ARIH2: variants seen among roughly 807,000 people sequenced by gnomAD.
ARIH2 encodes the protein E3 ubiquitin-protein ligase ARIH2.
In ARIH2, 12 loss-of-function variants were observed where a neutral mutation model predicts 79.8. The ratio of observed to expected loss-of-function variants is 0.15; its 90% CI spans 0.10 to 0.24. The LOEUF is 0.24. Among genes scored for constraint, ARIH2 ranks in the 10% least tolerant of loss-of-function variants. The pLI, the probability that ARIH2 is intolerant of heterozygous loss-of-function variation, is 1.00. For synonymous variants in ARIH2, 224 were observed against 213.9 expected, an observed-to-expected ratio of 1.05 and a Z score of -0.41; for missense variants, 301 against 618.3, an observed-to-expected ratio of 0.49 and a Z score of 5.44.
intron 11 of ARIH2, chr3:48,975,183 G>A (rs920017343): frequency 1.2e-5 from 9 of 743,052 alleles, no homozygotes; most frequent in Non-Finnish European, 1.7e-5. Flanking sequence ...CTGCTATCTT[G>A]CTAACACATA....
At chr3:48,946,867 C>A (rs1157315847) in intron 3 of ARIH2, among the ~76,000 whole-genome samples, 1 of 152,080 alleles carries the variant, frequency 6.6e-6, no homozygotes. Flanking sequence ...TTGAGGGTAC[C>A]CTTCACTCTT....
intron 3 of ARIH2, among the ~76,000 whole-genome samples, chr3:48,937,406 A>G (rs951756410): frequency 1.3e-5 from 2 of 152,148 alleles, no homozygotes; most frequent in Non-Finnish European, 2.9e-5. Context: ...CCTTGTTTAC[A>G]TGAATCCCTC....
At chr3:48,944,337 C>T (rs2088804219) in intron 3 of ARIH2, among the ~76,000 whole-genome samples, 1 of 152,068 alleles carries the variant, frequency 6.6e-6, no homozygotes, top group South Asian at 2.1e-4. Context: ...AGTATTTTTA[C>T]ATTATTATAT....
In ARIH2 at chr3:48,965,001, A is replaced by G; in HGVS notation, c.387+19A>G. 6.2e-7 allele frequency: 1 copy of G among 1,608,492 alleles called. No individual in the cohort carries two copies. Among genetic ancestry groups the G allele is most frequent in the South Asian group, 1.1e-5 (1 of 90,852 alleles). On this transcript the variant is annotated intron_variant, in intron 5 of 15. Transcript: ENST00000356401. ...AAAACATGTGAGTGTCTATTACTTG[A>G]ATGAGGCTTCTCCTAATTGCATGTG...
At chr3:48,962,872 T>A (rs551194675) in intron 4 of ARIH2, among the ~76,000 whole-genome samples, 5 of 152,120 alleles carry the variant, frequency 3.3e-5, no homozygotes, top group Non-Finnish European at 7.3e-5. Flanking sequence ...TGTTTTTTTT[T>A]ATTTTTATTT....
At position 48,920,951 on chromosome 3, in the gene ARIH2, T is replaced by C. The variant is rs1245395620; in HGVS notation, c.-161-1797T>C. On this transcript the variant is annotated intron_variant, in intron 1 of 15. Coordinates refer to ENST00000356401, the MANE Select transcript of ARIH2 (RefSeq NM_006321.4). ...CCCTTGGAACAAGATCAGCACTTTT[T>C]CTTTCTTTCATTTATTTATTTTTAT... 4.2e-5 allele frequency among the ~76,000 whole-genome samples: 3 copies of C among 72,162 alleles called. 1 individual carries two copies. Among genetic ancestry groups the C allele is most frequent in the African/African-American group, 1.3e-4 (3 of 23,138 alleles). 47.3% of individuals were successfully genotyped at this position (72,162 alleles called of 152,430 possible). A position where few individuals can be genotyped will look rare whatever the true frequency, so the allele number is the denominator to read the frequency against.
Position 48,967,108 on chromosome 3 carries a change from G to T in ARIH2, c.388-17G>T, listed in dbSNP as rs772294857. On this transcript the variant is annotated splice_polypyrimidine_tract_variant and intron_variant, in intron 5 of 15. Transcript: ENST00000356401. ...ACCTGACTCCTCTTTGGCTCATGTG[G>T]CTCTGTTTCTCTCCAGGTTCCCACA... is the stretch of plus-strand genomic sequence containing the variant. The T allele has an allele frequency of 6.2e-7, 1 of 1,612,100 alleles. No individual in the cohort carries two copies. The highest frequency in any genetic ancestry group is 8.5e-7 in the Non-Finnish European group (1 of 1,178,724).
At chr3:48,977,996 A>G (rs1220278200) in intron 11 of ARIH2, among the ~76,000 whole-genome samples, 1 of 152,188 alleles carries the variant, frequency 6.6e-6, no homozygotes, top group Non-Finnish European at 1.5e-5. Flanking sequence ...GGTCTGGAAG[A>G]GGCAGAATAG....
In ARIH2 at chr3:48,983,604, TAC is replaced by T; in HGVS notation, c.*336_*337del. ...GTAACTTTCAAAGGTTGTACAATTA[TAC>T]AAAAAAAAAAAAAAGGCAAACTATA... On this transcript the variant is annotated 3_prime_UTR_variant, in exon 16 of 16. Transcript: ENST00000356401. The T allele has an allele frequency of 1.9e-5, 2 of 103,600 alleles. No individual in the cohort carries two copies. Among genetic ancestry groups the T allele is most frequent in the South Asian group, 4.3e-4 (1 of 2,346 alleles). 6.4% of individuals were successfully genotyped at this position (103,600 alleles called of 1,614,324 possible).
intron 3 of ARIH2, among the ~76,000 whole-genome samples, chr3:48,960,457 A>T (rs936579437): frequency 7.2e-6 from 1 of 138,754 alleles, no homozygotes; most frequent in Non-Finnish European, 1.6e-5. Context: ...CTCATTATTT[A>T]AAAAAAAAAA....
At chr3:48,978,480 TATA>T (rs373352414) in intron 11 of ARIH2, among the ~76,000 whole-genome samples, 19,723 of 89,662 alleles carry the variant, frequency 0.22, 3,005 homozygotes, top group East Asian at 0.76. Context: ...TATATATATA[TATA>T]TTTTTTTTTT....
At chr3:48,942,539 G>A (rs554576839) in intron 3 of ARIH2, among the ~76,000 whole-genome samples, 1 of 150,606 alleles carries the variant, frequency 6.6e-6, no homozygotes, top group African/African-American at 2.4e-5. Flanking sequence ...CGGAGTCTCC[G>A]TTGCCCAGGC....
intron 3 of ARIH2, among the ~76,000 whole-genome samples, chr3:48,955,213 GA>G (rs1400921720): frequency 1.3e-5 from 2 of 151,948 alleles, no homozygotes; most frequent in East Asian, 3.9e-4. Flanking sequence ...AAACGAAAAA[GA>G]AAAAGCATTC....
At chr3:48,950,394 T>A (rs1185943489) in intron 3 of ARIH2, among the ~76,000 whole-genome samples, 1 of 152,226 alleles carries the variant, frequency 6.6e-6, no homozygotes, top group African/African-American at 2.4e-5. Context: ...TTAATTTTGA[T>A]GAAGTCCAGT....
At chr3:48,974,672 G>A (rs998261171) in intron 9 of ARIH2, 145 bp from the exon 10 acceptor site, 11 of 775,722 alleles carry the variant, frequency 1.4e-5, no homozygotes, top group African/African-American at 3.4e-5. Context: ...CAGCCTCAGC[G>A]ACCTGCCACA....
intron 5 of ARIH2, among the ~76,000 whole-genome samples, chr3:48,966,662 T>C (rs1223957406): frequency 6.6e-6 from 1 of 152,244 alleles, no homozygotes; most frequent in Non-Finnish European, 1.5e-5. Context: ...TGTTGGCTGT[T>C]AGAAGATTTA....
intron 3 of ARIH2, among the ~76,000 whole-genome samples, chr3:48,956,439 CTTTTTTTTTTTTTT>C (rs34693818): frequency 3.6e-4 from 13 of 36,254 alleles, no homozygotes; most frequent in Admixed American, 1.1e-3. Context: ...GCGCCCGGCA[CTTTTTTTTTTTTTT>C]TTTTTTTTTT....
rs561741713 is a variant in ARIH2 at position 48,962,254 on chromosome 3, G to C, written c.323+575G>C. On this transcript the variant is annotated intron_variant, in intron 4 of 15. Coordinates refer to ENST00000356401, the MANE Select transcript of ARIH2 (RefSeq NM_006321.4). Reference sequence around the variant, plus strand: ...CAACCTGGCGTGGTGGTGCACTCCTGTAGTCCCAGCTACTCAGAAGGCTGA... The same window carrying C: ...CAACCTGGCGTGGTGGTGCACTCCTCTAGTCCCAGCTACTCAGAAGGCTGA... Among the ~76,000 whole-genome samples the C allele has an allele frequency of 2.6e-5, 4 of 152,092 alleles. No individual in the cohort carries two copies. The South Asian group carries it at 8.3e-4, about 32-fold the overall frequency.
chr3:48,934,646 G>C, intron 3 of ARIH2: 1 of 985,396 alleles, frequency 1.0e-6, no homozygotes, highest in Non-Finnish European at 1.2e-6. Flanking sequence ...GTTTCACAGT[G>C]TTTTAGTCCA....
Sources: gnomAD v4.1 joint callset for allele counts (sites outside exome capture counted in the v4.1 genomes callset) on GRCh38, gnomAD v4.1.1 for gene constraint, MANE v1.5 for transcripts, NCBI Gene and HGNC (gene_info 2026-07-23, HGNC 2026-07-21) for gene names.